ASXL1: variants seen among roughly 807,000 people sequenced by gnomAD.
ASXL1 encodes the protein polycomb group protein ASXL1.
In ASXL1, 65 loss-of-function variants were observed where a neutral mutation model predicts 89.1. The observed-to-expected ratio is 0.73, with a 90% confidence interval of 0.60 to 0.90. The LOEUF (loss-of-function observed/expected upper bound fraction) is 0.90, where lower values mean the gene tolerates loss of function less well. ASXL1 is among the 40% of genes least tolerant of loss of function. The probability of loss-of-function intolerance (pLI) is 0.00; values close to 1 mark genes in which losing one functional copy is unlikely to be tolerated. For synonymous variants in ASXL1, 739 were observed against 746.9 expected, an observed-to-expected ratio of 0.99 and a Z score of 0.17; for missense variants, 1,786 against 1,942.9, an observed-to-expected ratio of 0.92 and a Z score of 1.52.
At chr20:32,374,765 C>A (rs1474496746) in intron 4 of ASXL1, among the ~76,000 whole-genome samples, 5 of 152,146 alleles carry the variant, frequency 3.3e-5, no homozygotes. Context: ...TATCAAAGAT[C>A]TGAACCAGCT....
chr20:32,409,527 C>G (rs2049009946), intron 4 of ASXL1, among the ~76,000 whole-genome samples: 1 of 152,140 alleles, frequency 6.6e-6, no homozygotes, highest in Non-Finnish European at 1.5e-5. Flanking sequence ...AACCACATTG[C>G]AATTATCAAT....
chr20:32,403,140 T>G (rs990061518), intron 4 of ASXL1, among the ~76,000 whole-genome samples: 7 of 152,258 alleles, frequency 4.6e-5, no homozygotes, highest in Non-Finnish European at 4.4e-5. Flanking sequence ...AACCATTTGC[T>G]TAAAATGATT....
intron 4 of ASXL1, among the ~76,000 whole-genome samples, chr20:32,395,897 C>G (rs188270721): frequency 6.6e-6 from 1 of 152,156 alleles, no homozygotes; most frequent in Admixed American, 6.6e-5. Flanking sequence ...TTCCCAGGTT[C>G]AAGCGATTAT....
chr20:32,384,345 G>A (rs2048541930), intron 4 of ASXL1, among the ~76,000 whole-genome samples: 1 of 151,862 alleles, frequency 6.6e-6, no homozygotes, highest in South Asian at 2.1e-4. Context: ...TGGGATTGCA[G>A]GTGTGTGCCA....
In ASXL1 at chr20:32,358,652, CCT is replaced by C. The variant is rs2048052484; in HGVS notation, c.-122_-121del. The stretch of plus-strand genomic sequence containing the variant: ...CCCTTCTCCCCGGCCGCACCCGAGA[CCT>C]CGCGCGCCGCCGCTGCCACGCGCCC... On this transcript the variant is annotated 5_prime_UTR_variant, in exon 1 of 13. Coordinates refer to ENST00000375687, the MANE Select transcript of ASXL1 (RefSeq NM_015338.6). 3.9e-6 allele frequency: 1 copy of C among 257,314 alleles called. No homozygotes were observed. Among genetic ancestry groups the C allele is most frequent in the African/African-American group, 2.4e-5 (1 of 42,552 alleles). The allele number at this position is 257,314 out of a possible 1,614,324, so 15.9% of individuals were successfully genotyped here.
At chr20:32,419,797 A>G (rs926049615) in intron 4 of ASXL1, among the ~76,000 whole-genome samples, 2 of 151,094 alleles carry the variant, frequency 1.3e-5, no homozygotes, top group Non-Finnish European at 2.9e-5. Context: ...CTCCTGCCTC[A>G]GCCTCCTGAG....
chr20:32,414,309 CTT>C (rs1009248494), intron 4 of ASXL1, among the ~76,000 whole-genome samples: 1 of 140,218 alleles, frequency 7.1e-6, no homozygotes, highest in African/African-American at 2.6e-5. Flanking sequence ...GCTTCTTTTT[CTT>C]TTTTTTTTTT....
rs1973527828 is a variant in ASXL1 at position 32,362,496 on chromosome 20, CGTG to C, written c.57+3669_57+3671del. Among the ~76,000 whole-genome samples, 3 of 151,696 alleles carry C rather than the reference CGTG, an allele frequency of 2.0e-5. No homozygotes were observed. In the South Asian group the frequency reaches 6.2e-4, roughly 31 times the overall value. ...CTAAAAATACAAAAAATTAGCCAGG[CGTG>C]GTGGCGAGTGCCTGTAGTCCCAGCT... On this transcript the variant is annotated intron_variant, in intron 1 of 12. Coordinates refer to ENST00000375687, the MANE Select transcript of ASXL1 (RefSeq NM_015338.6).
In ASXL1 at chr20:32,437,705, A is replaced by G. The variant is rs2012010440; in HGVS notation, c.*367A>G. The G allele has an allele frequency of 5.9e-6, 2 of 341,000 alleles. No individual in the cohort carries two copies. Among genetic ancestry groups the G allele is most frequent in the South Asian group, 4.6e-5 (1 of 21,900 alleles). 21.1% of individuals were successfully genotyped at this position (341,000 alleles called of 1,614,324 possible). On this transcript the variant is annotated 3_prime_UTR_variant, in exon 13 of 13. Transcript: ENST00000375687. ...CCACCAAGGGAGTTAACCTACCTGA[A>G]CTAAGTAGAAATGCCAGTCTTCCAC... is the stretch of plus-strand genomic sequence containing the variant.
At chr20:32,384,204 T>G (rs1024407650) in intron 4 of ASXL1, among the ~76,000 whole-genome samples, 9 of 135,814 alleles carry the variant, frequency 6.6e-5, no homozygotes, top group Non-Finnish European at 1.2e-4. Context: ...GTCTGTTTTT[T>G]TTTTTTTTTT....
chr20:32,386,176 A>T (rs2048575685), intron 4 of ASXL1, among the ~76,000 whole-genome samples: 1 of 152,190 alleles, frequency 6.6e-6, no homozygotes, highest in South Asian at 2.1e-4. Context: ...AGGAGCTCTT[A>T]TGGTAGGTAT....
intron 1 of ASXL1, among the ~76,000 whole-genome samples, chr20:32,362,375 G>A (rs1334520550): frequency 6.6e-6 from 1 of 152,180 alleles, no homozygotes; most frequent in African/African-American, 2.4e-5. Flanking sequence ...GGTGGCTCAC[G>A]CCTGTAATCC....
intron 4 of ASXL1, among the ~76,000 whole-genome samples, chr20:32,413,226 T>G (rs2049080117): frequency 6.6e-6 from 1 of 152,186 alleles, no homozygotes; most frequent in African/African-American, 2.4e-5. Context: ...ATGTGTATAT[T>G]ATCATTTGTA....
intron 4 of ASXL1, among the ~76,000 whole-genome samples, chr20:32,398,209 T>C (rs2048803137): frequency 6.6e-6 from 1 of 152,128 alleles, no homozygotes. Context: ...AAATTAACCA[T>C]TTTATTTTTT....
chr20:32,403,708 G>A (rs1483691938), intron 4 of ASXL1, among the ~76,000 whole-genome samples: 1 of 152,148 alleles, frequency 6.6e-6, no homozygotes, highest in Non-Finnish European at 1.5e-5. Context: ...AGCCACCACA[G>A]TCAGCTGTGT....
In ASXL1 at chr20:32,431,569, C is replaced by T. The variant is rs1486409904; in HGVS notation, c.883-14C>T. On this transcript the variant is annotated splice_polypyrimidine_tract_variant and intron_variant, in intron 9 of 12. Transcript: ENST00000375687. The stretch of plus-strand genomic sequence containing the variant: ...TTTATTTATTAGGATTTTTTTCCCC[C>T]TTGATCCTTCTAGGTGGGGACGGAT... 1 of 1,614,022 alleles carries T rather than the reference C, an allele frequency of 6.2e-7. No homozygotes were observed. The highest frequency in any genetic ancestry group is 8.5e-7 in the Non-Finnish European group (1 of 1,180,026).
At position 32,434,589 on chromosome 20, in the gene ASXL1, G is replaced by A. The variant is rs1336373430; in HGVS notation, c.1877G>A (p.Gly626Glu). The change falls in exon 13 of 13, where the codon GGG becomes GAG. Residue 626 changes from glycine (G) to glutamate (E), a missense_variant. Coordinates refer to ENST00000375687, the MANE Select transcript of ASXL1 (RefSeq NM_015338.6). ...DIKARALQVR[G>E]ARGHHCHREA... ...AAAGCCCGTGCTCTGCAGGTCCGAGGGGCGAGAGGTCACCACTGCCATAGA... is the reference window on the plus strand; with the variant it reads ...AAAGCCCGTGCTCTGCAGGTCCGAGAGGCGAGAGGTCACCACTGCCATAGA... 6.2e-7 allele frequency: 1 copy of A among 1,613,036 alleles called. No homozygotes were observed. The highest frequency in any genetic ancestry group is 1.3e-5 in the African/African-American group (1 of 74,908).
At position 32,389,094 on chromosome 20, in the gene ASXL1, C is replaced by T. The variant is rs866188714; in HGVS notation, c.252+19971C>T. ...CTTTCCCTCACTGCTTTAGAAACCT[C>T]TATTCAGATTTTTCATATTAATGAT... On this transcript the variant is annotated intron_variant, in intron 4 of 12. Transcript: ENST00000375687. Among the ~76,000 whole-genome samples, 24 of 152,190 alleles carry T rather than the reference C, an allele frequency of 1.6e-4. 2 individuals are homozygous for T. The Middle Eastern group carries it at 0.017, about 108-fold the overall frequency.
At chr20:32,389,891 AG>A (rs1487591615) in intron 4 of ASXL1, among the ~76,000 whole-genome samples, 1 of 152,192 alleles carries the variant, frequency 6.6e-6, no homozygotes, top group Admixed American at 6.5e-5. Context: ...TTAGTGTACA[AG>A]TATACAGCTT....
Sources: gnomAD v4.1 joint callset for allele counts (sites outside exome capture counted in the v4.1 genomes callset) on GRCh38, gnomAD v4.1.1 for gene constraint, MANE v1.5 for transcripts, NCBI Gene and HGNC (gene_info 2026-07-23, HGNC 2026-07-21) for gene names.